Variants in APBB1IP observed in about 807,000 individuals in gnomAD.
The protein encoded by APBB1IP is amyloid beta A4 precursor protein-binding family B member 1-interacting protein.
A neutral mutation model predicts 64.9 loss-of-function variants in APBB1IP; 27 were observed. The observed-to-expected ratio is 0.42, with a 90% confidence interval of 0.31 to 0.57. The LOEUF (loss-of-function observed/expected upper bound fraction) is 0.57, where lower values mean the gene tolerates loss of function less well. Ranked by LOEUF, APBB1IP falls within the 20% of genes least tolerant of loss-of-function variation. The pLI, the probability that APBB1IP is intolerant of heterozygous loss-of-function variation, is 0.20. For missense variants in APBB1IP, 812 were observed against 845.5 expected, an observed-to-expected ratio of 0.96 and a Z score of 0.49; for synonymous variants, 392 against 331.0, an observed-to-expected ratio of 1.18 and a Z score of -2.00.
At chr10:26,444,082 C>T (rs546363898) in intron 2 of APBB1IP, among the ~76,000 whole-genome samples, 1 of 152,120 alleles carries the variant, frequency 6.6e-6, no homozygotes, top group Admixed American at 6.5e-5. Context: ...TGGGCCCTTT[C>T]GTTTGCAGGA....
chr10:26,487,104 C>T (rs1835901160), intron 2 of APBB1IP, among the ~76,000 whole-genome samples: 1 of 152,070 alleles, frequency 6.6e-6, no homozygotes, highest in South Asian at 2.1e-4. Flanking sequence ...GTGAGCATGG[C>T]TTGTTTGCAA....
chr10:26,475,652 T>C (rs1164265186), intron 2 of APBB1IP, among the ~76,000 whole-genome samples: 3 of 152,178 alleles, frequency 2.0e-5, no homozygotes, highest in African/African-American at 7.2e-5. Context: ...TCATTCGAAC[T>C]CCTGACCACA....
At chr10:26,445,556 C>T (rs10764613) in intron 2 of APBB1IP, among the ~76,000 whole-genome samples, 59,033 of 152,094 alleles carry the variant, frequency 0.39, 11,663 homozygotes, top group South Asian at 0.49. Context: ...TGCCTGGCCA[C>T]GTAAATTCTT....
intron 6 of APBB1IP, among the ~76,000 whole-genome samples, chr10:26,503,930 G>C (rs896629290): frequency 2.6e-5 from 4 of 152,190 alleles, no homozygotes; most frequent in Non-Finnish European, 5.9e-5. Context: ...TGGCTTGGGT[G>C]CTGTACAGGC....
chr10:26,459,404 T>A (rs1835564830), intron 2 of APBB1IP, among the ~76,000 whole-genome samples: 1 of 152,106 alleles, frequency 6.6e-6, no homozygotes, highest in Non-Finnish European at 1.5e-5. Flanking sequence ...AACATACGTG[T>A]CATGTGTCTT....
chr10:26,443,892 A>G (rs1835363873), intron 2 of APBB1IP, among the ~76,000 whole-genome samples: 1 of 152,172 alleles, frequency 6.6e-6, no homozygotes, highest in South Asian at 2.1e-4. Context: ...TTTGCTAAGC[A>G]CTATTATAGA....
chr10:26,548,982 C>T (rs2040791697), intron 11 of APBB1IP, among the ~76,000 whole-genome samples: 1 of 152,172 alleles, frequency 6.6e-6, no homozygotes, highest in Admixed American at 6.5e-5. Flanking sequence ...GTGGGTTTAA[C>T]ATATATAAAC....
At chr10:26,449,084 T>G (rs930393863) in intron 2 of APBB1IP, among the ~76,000 whole-genome samples, 1 of 152,162 alleles carries the variant, frequency 6.6e-6, no homozygotes, top group African/African-American at 2.4e-5. Context: ...CAAAAAAGAC[T>G]CAAGGAGATT....
chr10:26,558,632 A>AAAAT (rs1325262586), intron 11 of APBB1IP, among the ~76,000 whole-genome samples: 2 of 149,744 alleles, frequency 1.3e-5, no homozygotes, highest in Non-Finnish European at 3.0e-5. Flanking sequence ...AAAAAAAAAA[A>AAAAT]GCCAAGCATG....
rs887167169 is a variant in APBB1IP, at chr10:26,545,954, G to GA, written c.1155+4274dup. On this transcript the variant is annotated intron_variant, in intron 11 of 14. Coordinates refer to ENST00000376236, the MANE Select transcript of APBB1IP (RefSeq NM_019043.4). ...CGACGGAGTGAGACTTTGTCTCAAA[G>GA]AAAAAAAAAAAAGATTGCATGATTT... is the stretch of plus-strand genomic sequence containing the variant. 9.0e-4 allele frequency among the ~76,000 whole-genome samples: 128 copies of GA among 141,630 alleles called. No homozygotes were observed. In the Middle Eastern group the frequency reaches 0.015, roughly 17 times the overall value. The allele number at this position is 141,630 out of a possible 152,430, so 92.9% of individuals were successfully genotyped here.
At chr10:26,542,747 T>C (rs1836711996) in intron 11 of APBB1IP, among the ~76,000 whole-genome samples, 1 of 149,330 alleles carries the variant, frequency 6.7e-6, no homozygotes, top group Admixed American at 6.9e-5. Context: ...TTCAGTGACT[T>C]TCATTCAGAT....
intron 2 of APBB1IP, among the ~76,000 whole-genome samples, chr10:26,474,308 A>G (rs1835752672): frequency 6.6e-6 from 1 of 152,176 alleles, no homozygotes; most frequent in Admixed American, 6.5e-5. Flanking sequence ...CCTGGTTTTC[A>G]TTACTCCAGT....
At chr10:26,519,824 C>A (rs749604927) in intron 8 of APBB1IP, among the ~76,000 whole-genome samples, 6 of 152,208 alleles carry the variant, frequency 3.9e-5, no homozygotes, top group Non-Finnish European at 7.3e-5. Flanking sequence ...GTGTTTGAAT[C>A]TATCTTCTGG....
At chr10:26,519,733 C>T (rs113751353) in intron 8 of APBB1IP, among the ~76,000 whole-genome samples, 21 of 152,222 alleles carry the variant, frequency 1.4e-4, no homozygotes, top group African/African-American at 5.1e-4. Flanking sequence ...TCCTAATCTA[C>T]AATCCAATTT....
intron 4 of APBB1IP, among the ~76,000 whole-genome samples, chr10:26,497,448 G>A (rs914120567): frequency 6.6e-6 from 1 of 151,812 alleles, no homozygotes; most frequent in Admixed American, 6.6e-5. Context: ...GTACCTGGGA[G>A]GCTGAGGCAG....
chr10:26,456,881 C>A (rs558984049), intron 2 of APBB1IP, among the ~76,000 whole-genome samples: 7 of 152,050 alleles, frequency 4.6e-5, no homozygotes, highest in African/African-American at 1.7e-4. Flanking sequence ...TGTGGAAGAC[C>A]TGTACTAGGA....
chr10:26,488,224 T>A (rs1466473971), intron 2 of APBB1IP, among the ~76,000 whole-genome samples: 1 of 150,104 alleles, frequency 6.7e-6, no homozygotes. Context: ...TTAAATACTT[T>A]CTGCCATTTT....
intron 2 of APBB1IP, among the ~76,000 whole-genome samples, chr10:26,450,697 T>TTC: frequency 6.6e-6 from 1 of 151,228 alleles, no homozygotes; most frequent in Non-Finnish European, 1.5e-5. Context: ...ATTCTTTTTT[T>TTC]TTTTTTTTTG....
chr10:26,528,894 G>A (rs1349023599), intron 8 of APBB1IP, among the ~76,000 whole-genome samples: 2 of 152,166 alleles, frequency 1.3e-5, no homozygotes, highest in South Asian at 2.1e-4. Context: ...CCATGATCAC[G>A]CCACTGCACT....
Sources: gnomAD v4.1 joint callset for allele counts (sites outside exome capture counted in the v4.1 genomes callset) on GRCh38, gnomAD v4.1.1 for gene constraint, MANE v1.5 for transcripts, NCBI Gene and HGNC (gene_info 2026-07-23, HGNC 2026-07-21) for gene names.